IRAK4: variants seen among roughly 807,000 people sequenced by gnomAD.
IRAK4 encodes interleukin 1 receptor associated kinase 4.
In IRAK4, 44 loss-of-function variants were observed where a neutral mutation model predicts 51.8. That is an observed-to-expected ratio of 0.85 (90% CI 0.67 to 1.09). The LOEUF (loss-of-function observed/expected upper bound fraction) is 1.09, where lower values mean the gene tolerates loss of function less well. Ranked by LOEUF, IRAK4 falls within the 50% of genes least tolerant of loss-of-function variation. The pLI is 0.00. For synonymous variants in IRAK4, 149 were observed against 174.1 expected (o/e 0.86, Z 1.13); for missense variants, 487 against 538.0 (o/e 0.91, Z 0.94).
Position 43,782,372 on chromosome 12 carries a change from C to A in IRAK4, c.1007C>A (p.Ser336Tyr). 6.2e-7 allele frequency: 1 copy of A among 1,613,730 alleles called. No individual in the cohort carries two copies. The highest frequency in any genetic ancestry group is 8.5e-7 in the Non-Finnish European group (1 of 1,179,742). ...KISDFGLARA[S>Y]EKFAQTVMTS... ...TCTGACTTTGGCCTTGCACGGGCTTCTGAGAAGTTTGCCCAGACAGTCATG... is the reference window on the plus strand; with the variant it reads ...TCTGACTTTGGCCTTGCACGGGCTTATGAGAAGTTTGCCCAGACAGTCATG... Residue 336 changes from serine to tyrosine, a missense_variant, in exon 9 of 12, where the codon TCT (serine) becomes TAT (tyrosine). By Grantham distance (144) the Ser-to-Tyr change is moderately radical. Coordinates refer to ENST00000613694, the MANE Select transcript of IRAK4 (RefSeq NM_016123.4).
intron 2 of IRAK4, among the ~76,000 whole-genome samples, chr12:43,769,866 C>T (rs1363642361): frequency 6.6e-6 from 1 of 152,130 alleles, no homozygotes; most frequent in Admixed American, 6.6e-5. Flanking sequence ...AATGCTTAAT[C>T]TGAATTTAAT....
chr12:43,763,868 T>C (rs1181287852), intron 1 of IRAK4, among the ~76,000 whole-genome samples: 2 of 152,206 alleles, frequency 1.3e-5, no homozygotes, highest in African/African-American at 4.8e-5. Flanking sequence ...CATCAGTGTC[T>C]ATTTGACCTC....
At position 43,782,445 on chromosome 12, in the gene IRAK4, G is replaced by A; in HGVS notation, c.1080G>A (p.Leu360=). The change falls in exon 9 of 12, where the codon TTG becomes TTA. Residue 360 remains leucine, a synonymous_variant. Transcript: ENST00000613694. ...CAGCTTATATGGCACCAGAAGCTTT[G>A]CGTGGAGAAATAACACCCAAATCTG... The part of the protein sequence containing the change: ...GTTAYMAPEA[L]RGEITPKSDI... 1 of 1,613,860 alleles carries A rather than the reference G, an allele frequency of 6.2e-7. No homozygotes were observed. The highest frequency in any genetic ancestry group is 8.5e-7 in the Non-Finnish European group (1 of 1,179,822).
Position 43,786,254 on chromosome 12 carries a change from C to G in IRAK4, c.1189-145C>G, listed in dbSNP as rs1942204102. On this transcript the variant is annotated intron_variant, in intron 10 of 11. Transcript: ENST00000613694. ...CACCATGTTGCCCAGGCTGGGTCTTCAATTCTTAATAAGGTTTTAAGATAA... is the reference window on the plus strand; with the variant it reads ...CACCATGTTGCCCAGGCTGGGTCTTGAATTCTTAATAAGGTTTTAAGATAA... 9 of 499,628 alleles carry G rather than the reference C, an allele frequency of 1.8e-5. No homozygotes were observed. In the East Asian group the frequency reaches 4.8e-4, roughly 26 times the overall value. 30.9% of individuals were successfully genotyped at this position (499,628 alleles called of 1,614,324 possible).
intron 8 of IRAK4, among the ~76,000 whole-genome samples, chr12:43,780,343 G>A (rs1941667858): frequency 6.6e-6 from 1 of 152,124 alleles, no homozygotes; most frequent in African/African-American, 2.4e-5. Flanking sequence ...TAAGCTGGCA[G>A]AGATTAAGCT....
chr12:43,769,946 AAC>A (rs1203843755), intron 2 of IRAK4, among the ~76,000 whole-genome samples: 1 of 152,174 alleles, frequency 6.6e-6, no homozygotes, highest in Admixed American at 6.5e-5. Flanking sequence ...CGTATTCTAA[AAC>A]ACACACACCC....
chr12:43,768,106 T>C lies in IRAK4; in HGVS notation c.-6T>C, dbSNP rs1343539808. On this transcript the variant is annotated 5_prime_UTR_variant, in exon 2 of 12. Transcript: ENST00000613694. ...ATGAGATTTTTCCATATTTTAGGAA[T>C]AGAAGATGAACAAACCCATAACACC... 6.2e-7 allele frequency: 1 copy of C among 1,612,186 alleles called. No homozygotes were observed. The highest frequency in any genetic ancestry group is 1.3e-5 in the African/African-American group (1 of 74,894).
chr12:43,768,087 T>A lies in IRAK4; in HGVS notation c.-9-16T>A. The A allele has an allele frequency of 6.2e-7, 1 of 1,602,718 alleles. No homozygotes were observed. The highest frequency in any genetic ancestry group is 8.5e-7 in the Non-Finnish European group (1 of 1,170,618). ...AAAGTACTGTAAAATTTTAATGAGATTTTTCCATATTTTAGGAATAGAAGA... is the reference window on the plus strand; with the variant it reads ...AAAGTACTGTAAAATTTTAATGAGAATTTTCCATATTTTAGGAATAGAAGA... On this transcript the variant is annotated splice_polypyrimidine_tract_variant and intron_variant, in intron 1 of 11. Transcript: ENST00000613694.
At chr12:43,766,735 A>T (rs1679574700) in intron 1 of IRAK4, among the ~76,000 whole-genome samples, 1 of 152,198 alleles carries the variant, frequency 6.6e-6, no homozygotes, top group African/African-American at 2.4e-5. Context: ...TAGAGATGAT[A>T]AAACTGTACT....
chr12:43,760,881 T>C (rs973418761), intron 1 of IRAK4: 1 of 152,226 alleles, frequency 6.6e-6, no homozygotes. Flanking sequence ...GTTTTGGTTT[T>C]GTTTTGTTTT....
intron 2 of IRAK4, among the ~76,000 whole-genome samples, chr12:43,769,070 A>AT (rs1423382636): frequency 6.6e-6 from 1 of 152,162 alleles, no homozygotes; most frequent in Non-Finnish European, 1.5e-5. Flanking sequence ...TTTAAAGATA[A>AT]TTTTTTGATA....
rs4251516 is a variant in IRAK4 at position 43,780,665 on chromosome 12, G to A, written c.942-1642G>A. Among the ~76,000 whole-genome samples the A allele has an allele frequency of 1.7e-3, 253 of 151,048 alleles. 1 individual carries two copies. Among genetic ancestry groups the A allele is most frequent in the African/African-American group, 5.9e-3 (243 of 41,074 alleles). On this transcript the variant is annotated intron_variant, in intron 8 of 11. Coordinates refer to ENST00000613694, the MANE Select transcript of IRAK4 (RefSeq NM_016123.4). ...TGGCTCACTGCAACCGTCGCCTCCC[G>A]GGTTCAAGAGATTCTCGAGCCTCAG...
At chr12:43,774,235 C>T (rs918283312) in intron 6 of IRAK4, among the ~76,000 whole-genome samples, 1 of 151,980 alleles carries the variant, frequency 6.6e-6, no homozygotes, top group African/African-American at 2.4e-5. Context: ...GATTAAATAG[C>T]AGTCATTTTT....
rs552657697 is a variant in IRAK4, at chr12:43,779,802, T to G, written c.941+1500T>G. ...TGTTGTGTTTGGGGTGCTTTTAAGA[T>G]GTAGTAGTAGAGATGGTAGACAGTG... On this transcript the variant is annotated intron_variant, in intron 8 of 11. Coordinates refer to ENST00000613694, the MANE Select transcript of IRAK4 (RefSeq NM_016123.4). Among the ~76,000 whole-genome samples the G allele has an allele frequency of 2.6e-5, 4 of 152,274 alleles. No homozygotes were observed. The South Asian group carries it at 8.3e-4, about 32-fold the overall frequency.
intron 6 of IRAK4, among the ~76,000 whole-genome samples, chr12:43,776,562 G>A (rs1201183229): frequency 6.6e-6 from 1 of 152,178 alleles, no homozygotes; most frequent in African/African-American, 2.4e-5. Flanking sequence ...TGCCAGATAC[G>A]TTTCTAGGCT....
rs1941972666 is a variant in IRAK4, at chr12:43,783,658, A to C, written c.1126-4A>C. ...TATATTAATGATTTTTTTTGTCTTC[A>C]TAGGTTTTACTAGAAATAATAACTG... On this transcript the variant is annotated splice_region_variant and splice_polypyrimidine_tract_variant and intron_variant, in intron 9 of 11. Transcript: ENST00000613694. 6.3e-7 allele frequency: 1 copy of C among 1,589,236 alleles called. No individual in the cohort carries two copies. The highest frequency in any genetic ancestry group is 8.6e-7 in the Non-Finnish European group (1 of 1,158,572).
chr12:43,778,766 G>A (rs1280344467), intron 8 of IRAK4, among the ~76,000 whole-genome samples: 3 of 151,598 alleles, frequency 2.0e-5, no homozygotes, highest in African/African-American at 7.3e-5. Flanking sequence ...AATATGTACA[G>A]TTCACATATA....
Position 43,786,836 on chromosome 12 carries a change from T to C in IRAK4, c.*121T>C, listed in dbSNP as rs1942254231. On this transcript the variant is annotated 3_prime_UTR_variant, in exon 12 of 12. Coordinates refer to ENST00000613694, the MANE Select transcript of IRAK4 (RefSeq NM_016123.4). Reference sequence around the variant, plus strand: ...CAAGGCATAGGCTGTTGCAGGACAGTGGTTATTAAAGCATGGGTTGAACTT... The same window carrying C: ...CAAGGCATAGGCTGTTGCAGGACAGCGGTTATTAAAGCATGGGTTGAACTT... The C allele has an allele frequency of 7.1e-6, 6 of 842,848 alleles. No individual in the cohort carries two copies. The South Asian group carries it at 9.1e-5, about 13-fold the overall frequency. The allele number at this position is 842,848 out of a possible 1,614,324, so 52.2% of individuals were successfully genotyped here. A position where few individuals can be genotyped will look rare whatever the true frequency, so the allele number is the denominator to read the frequency against.
At chr12:43,763,965 G>A (rs1241111821) in intron 1 of IRAK4, among the ~76,000 whole-genome samples, 1 of 152,044 alleles carries the variant, frequency 6.6e-6, no homozygotes, top group Non-Finnish European at 1.5e-5. Flanking sequence ...TCATGACTAA[G>A]CAGTATTTTT....
Sources: gnomAD v4.1 joint callset for allele counts (sites outside exome capture counted in the v4.1 genomes callset) on GRCh38, gnomAD v4.1.1 for gene constraint, MANE v1.5 for transcripts, NCBI Gene and HGNC (gene_info 2026-07-23, HGNC 2026-07-21) for gene names.